The following DLG1 variants were observed in gnomAD, a reference collection of about 807,000 sequenced individuals.
DLG1 encodes disks large homolog 1.
In DLG1, 42 loss-of-function variants were observed where a neutral mutation model predicts 123.4. The observed-to-expected ratio is 0.34, with a 90% CI of 0.27 to 0.44. DLG1 has a LOEUF of 0.44. DLG1 is among the 20% of genes least tolerant of loss of function. The pLI is 1.00. For missense variants in DLG1, 942 were observed against 1,082.6 expected (o/e 0.87, Z 1.82); for synonymous variants, 317 against 356.2 (o/e 0.89, Z 1.24).
chr3:197,120,553 G>A (rs2149443512), intron 11 of DLG1, among the ~76,000 whole-genome samples: 1 of 152,294 alleles, frequency 6.6e-6, no homozygotes, highest in East Asian at 1.9e-4. Flanking sequence ...TTCAAAAGTA[G>A]CTGTATTATT....
intron 4 of DLG1, among the ~76,000 whole-genome samples, chr3:197,218,504 C>T (rs571918902): frequency 7.9e-5 from 12 of 152,146 alleles, no homozygotes; most frequent in Non-Finnish European, 7.4e-5. Context: ...ACTCTTGGAC[C>T]GTAAGTCCAG....
chr3:197,221,231 A>C (rs1327479393), intron 4 of DLG1, among the ~76,000 whole-genome samples: 3 of 152,174 alleles, frequency 2.0e-5, no homozygotes, highest in Non-Finnish European at 4.4e-5. Context: ...AAGAAACATA[A>C]CAGGGACCGG....
chr3:197,196,456 C>T (rs780701111), intron 4 of DLG1, among the ~76,000 whole-genome samples: 1 of 152,184 alleles, frequency 6.6e-6, no homozygotes. Context: ...AAACCTAACA[C>T]AGTTTACATA....
chr3:197,257,483 A>T (rs338210), intron 4 of DLG1, among the ~76,000 whole-genome samples: 3 of 151,876 alleles, frequency 2.0e-5, no homozygotes, highest in East Asian at 3.9e-4. Flanking sequence ...GAACTGTTTC[A>T]GAAGACAAGG....
chr3:197,184,977 T>A (rs1202532580), intron 5 of DLG1, among the ~76,000 whole-genome samples: 1 of 152,164 alleles, frequency 6.6e-6, no homozygotes, highest in Non-Finnish European at 1.5e-5. Context: ...ACCTGGGAAT[T>A]TTTATGTTTA....
chr3:197,152,628 T>G (rs530564057), intron 5 of DLG1, among the ~76,000 whole-genome samples: 17 of 151,714 alleles, frequency 1.1e-4, no homozygotes, highest in South Asian at 8.3e-4. Flanking sequence ...CTGGGCTTCG[T>G]GGCAGGCGCC....
chr3:197,278,282 CAAAAAAAAAAA>C (rs71164203), intron 4 of DLG1, among the ~76,000 whole-genome samples: 9 of 37,494 alleles, frequency 2.4e-4, no homozygotes, highest in East Asian at 8.8e-4. Context: ...GACTCTGTCC[CAAAAAAAAAAA>C]AAAAAAAAAA....
rs984681096 is a variant in DLG1 at position 197,050,804 on chromosome 3, AAAATGGTAACTG to A, written c.2575+761_2575+772del. ...TCTTAAGAGTCTTCCCTACACACAC[AAAATGGTAACTG>A]TGTGGTTAAAGACATGTTAATTTGA... On this transcript the variant is annotated intron_variant, in intron 24 of 24. Coordinates refer to ENST00000667157, the MANE Select transcript of DLG1 (RefSeq NM_001366207.1). Among the ~76,000 whole-genome samples, 16 of 152,358 alleles carry A rather than the reference AAAATGGTAACTG, an allele frequency of 1.1e-4. No individual in the cohort carries two copies. In the East Asian group the frequency reaches 1.5e-3, roughly 15 times the overall value.
chr3:197,264,685 C>A (rs1234311043), intron 4 of DLG1, among the ~76,000 whole-genome samples: 1 of 152,148 alleles, frequency 6.6e-6, no homozygotes, highest in Non-Finnish European at 1.5e-5. Context: ...CCTCGGCCTC[C>A]CAAAGTGCTG....
Position 197,210,767 on chromosome 3 carries a change from A to C in DLG1, c.319-16178T>G, listed in dbSNP as rs1161412320. Among the ~76,000 whole-genome samples, 2 of 145,052 alleles carry C rather than the reference A, an allele frequency of 1.4e-5. 1 individual carries two copies. The highest frequency in any genetic ancestry group is 3.1e-5 in the Non-Finnish European group (2 of 64,740). ...TCTACCAAGCATTTAAGAAAGAAACAATATCAATTTTACATAATTCTTTCA... is the reference window on the plus strand; with the variant it reads ...TCTACCAAGCATTTAAGAAAGAAACCATATCAATTTTACATAATTCTTTCA... On this transcript the variant is annotated intron_variant, in intron 4 of 24. Transcript: ENST00000667157.
At chr3:197,154,303 AAAAAC>A (rs911217971) in intron 5 of DLG1, among the ~76,000 whole-genome samples, 4 of 152,068 alleles carry the variant, frequency 2.6e-5, no homozygotes, top group Admixed American at 2.6e-4. Flanking sequence ...CTCTGTCAAA[AAAAAC>A]AAAACAAAAC....
At chr3:197,120,379 T>C (rs1579645872) in intron 11 of DLG1, among the ~76,000 whole-genome samples, 1 of 152,088 alleles carries the variant, frequency 6.6e-6, no homozygotes. Context: ...CAGAAAATTA[T>C]AGTGATTCCT....
chr3:197,255,908 T>C (rs988941021), intron 4 of DLG1, among the ~76,000 whole-genome samples: 6 of 152,142 alleles, frequency 3.9e-5, no homozygotes, highest in Admixed American at 6.6e-5. Flanking sequence ...GGCATCAAGC[T>C]GCGTACTTAG....
chr3:197,183,903 C>G lies in DLG1; in HGVS notation c.483+10522G>C, dbSNP rs1714149530. The G allele has an allele frequency of 2.0e-6, 3 of 1,471,556 alleles. No individual in the cohort carries two copies. The South Asian group carries it at 4.2e-5, about 21-fold the overall frequency. 91.2% of individuals were successfully genotyped at this position (1,471,556 alleles called of 1,614,324 possible). On this transcript the variant is annotated intron_variant, in intron 5 of 24. Transcript: ENST00000667157. ...GTAAAAACTGCAGCTACAATTACAG[C>G]AGCATCACTTGTAGATCAGTGAAAA...
rs1345763409 is a variant in DLG1, at chr3:197,043,493, TAA to T, written c.*1128_*1129del. 1.3e-5 allele frequency: 2 copies of T among 151,878 alleles called. No individual in the cohort carries two copies. The highest frequency in any genetic ancestry group is 2.4e-5 in the African/African-American group (1 of 41,336). The allele number at this position is 151,878 out of a possible 1,614,324, so 9.4% of individuals were successfully genotyped here. On this transcript the variant is annotated 3_prime_UTR_variant, in exon 25 of 25. Transcript: ENST00000667157. ...TTTCAGTTCACATGATTAAGGAAGA[TAA>T]GTCTATTCAATTAATATTTAATTTA...
intron 4 of DLG1, among the ~76,000 whole-genome samples, chr3:197,250,095 AAAGGAAG>A (rs2150843018): frequency 6.6e-6 from 1 of 152,356 alleles, no homozygotes. Flanking sequence ...CCAAAATTGA[AAAGGAAG>A]AAGTCAAATT....
intron 4 of DLG1, among the ~76,000 whole-genome samples, chr3:197,281,329 G>A (rs894269292): frequency 8.6e-5 from 13 of 152,000 alleles, no homozygotes; most frequent in South Asian, 2.1e-4. Context: ...ATGAGCCACC[G>A]TGCCCAAGCT....
chr3:197,201,373 G>A (rs186105047), intron 4 of DLG1, among the ~76,000 whole-genome samples: 5 of 152,140 alleles, frequency 3.3e-5, no homozygotes, highest in Non-Finnish European at 7.4e-5. Context: ...GACAGAGTGA[G>A]ACTCCGTCTC....
At chr3:197,127,680 T>TCAAAGTG (rs1296422763) in intron 11 of DLG1, among the ~76,000 whole-genome samples, 6 of 151,284 alleles carry the variant, frequency 4.0e-5, no homozygotes, top group Non-Finnish European at 7.4e-5. Flanking sequence ...TCAGTGTTTC[T>TCAAAGTG]CAAAGTGCAG....
Sources: allele counts gnomAD v4.1 joint callset (sites outside exome capture counted in the v4.1 genomes callset), GRCh38; gene constraint gnomAD v4.1.1; transcripts MANE v1.5; gene names NCBI Gene and HGNC (gene_info 2026-07-23, HGNC 2026-07-21).